Variants in GRIP1 observed in about 807,000 individuals in gnomAD.
GRIP1 encodes the protein glutamate receptor interacting protein 1.
In GRIP1, 45 loss-of-function variants were observed where a neutral mutation model predicts 129.9. That is an observed-to-expected ratio of 0.35 (90% CI 0.27 to 0.44). The LOEUF is 0.44. GRIP1 is among the 20% of genes least tolerant of loss of function. The probability of loss-of-function intolerance (pLI) is 1.00; values close to 1 mark genes in which losing one functional copy is unlikely to be tolerated. For missense variants in GRIP1, 1,196 were observed against 1,396.8 expected (o/e 0.86, Z 2.29); for synonymous variants, 530 against 520.8 (o/e 1.02, Z -0.24).
At position 66,590,048 on chromosome 12, in the gene GRIP1, C is replaced by T. The variant is rs112868942; in HGVS notation, c.136+6799G>A. Among the ~76,000 whole-genome samples, 755 of 152,106 alleles carry T rather than the reference C, an allele frequency of 5.0e-3. 7 individuals are homozygous for T. The highest frequency in any genetic ancestry group is 0.017 in the African/African-American group (726 of 41,486). ...GAGGGAAGAGACTTTTTCCTTATAG[C>T]TCTTATGGACATATCCTCAGTCGGC... is the stretch of plus-strand genomic sequence containing the variant. On this transcript the variant is annotated intron_variant, in intron 2 of 24. Transcript: ENST00000359742.
Position 66,988,111 on chromosome 12 carries a change from A to T in GRIP1, c.58+80939T>A, listed in dbSNP as rs192627596. On this transcript the variant is annotated intron_variant, in intron 1 of 1. Transcript: ENST00000643019. ...AACTTAAGAGTTTCTTCTAGTAGCA[A>T]ATTCTTCAAATCAATAAGTAATTAA... 3.1e-3 allele frequency among the ~76,000 whole-genome samples: 475 copies of T among 152,322 alleles called. 6 individuals carry two copies. Among genetic ancestry groups the T allele is most frequent in the African/African-American group, 0.011 (458 of 41,568 alleles).
At chr12:67,064,668 C>A (rs914612662) in intron 1 of GRIP1, among the ~76,000 whole-genome samples, 1 of 152,064 alleles carries the variant, frequency 6.6e-6, no homozygotes, top group East Asian at 1.9e-4. Context: ...CAGATCTCCT[C>A]GATATGGGTG....
At chr12:66,578,430 T>G (rs1286853564) in intron 2 of GRIP1, among the ~76,000 whole-genome samples, 4 of 152,040 alleles carry the variant, frequency 2.6e-5, no homozygotes, top group Non-Finnish European at 4.4e-5. Context: ...CAGCGCACCG[T>G]GCGCGAGCCA....
intron 14 of GRIP1, 80 bp downstream of exon 14, chr12:66,432,468 T>G: frequency 1.2e-6 from 1 of 841,994 alleles, no homozygotes; most frequent in Non-Finnish European, 2.0e-6. Context: ...TATAAAACAT[T>G]TGTTACACCT....
intron 1 of GRIP1, among the ~76,000 whole-genome samples, chr12:66,924,092 C>T (rs537667974): frequency 1.3e-5 from 2 of 151,998 alleles, no homozygotes; most frequent in African/African-American, 2.4e-5. Context: ...TGATTCACCC[C>T]CCTCGGCCTC....
chr12:66,576,746 T>A (rs1171739742), intron 2 of GRIP1, among the ~76,000 whole-genome samples: 1 of 152,178 alleles, frequency 6.6e-6, no homozygotes, highest in Non-Finnish European at 1.5e-5. Flanking sequence ...TCTCAAACAT[T>A]ACTGGCAGAA....
chr12:66,719,966 G>A (rs2036010121), intron 1 of GRIP1, among the ~76,000 whole-genome samples: 1 of 152,076 alleles, frequency 6.6e-6, no homozygotes, highest in South Asian at 2.1e-4. Context: ...AATCTGAATA[G>A]GACATGTAGA....
chr12:66,384,416 C>T (rs1015936441), intron 19 of GRIP1, among the ~76,000 whole-genome samples: 3 of 152,110 alleles, frequency 2.0e-5, no homozygotes, highest in Non-Finnish European at 4.4e-5. Context: ...AAATGCAAAG[C>T]TTGCTTAGAG....
rs1262650133 is a variant in GRIP1, at chr12:66,512,008, A to AGATTTGATG, written c.724+3610_724+3611insCATCAAATC. Among the ~76,000 whole-genome samples, 3 of 152,112 alleles carry AGATTTGATG rather than the reference A, an allele frequency of 2.0e-5. No homozygotes were observed. In the East Asian group the frequency reaches 5.8e-4, roughly 29 times the overall value. On this transcript the variant is annotated intron_variant, in intron 7 of 24. Coordinates refer to ENST00000359742, the MANE Select transcript of GRIP1 (RefSeq NM_001366722.1). ...TCATGATAGTGAGTGAGTTCTCACAAGATCTGATGGTTTAAAAGTGCGTGG... is the reference window on the plus strand; with the variant it reads ...TCATGATAGTGAGTGAGTTCTCACAAGATTTGATGGATCTGATGGTTTAAAAGTGCGTGG...
rs180906592 is a variant in GRIP1, at chr12:66,851,112, C to A, written c.58+217938G>T. ...TCCCCTTTTTCCTTTGCTTAAATCA[C>A]CCCTAATTTTCTTGAGAACAAAGGA... On this transcript the variant is annotated intron_variant, in intron 1 of 1. Transcript: ENST00000643019. Among the ~76,000 whole-genome samples, 4 of 151,572 alleles carry A rather than the reference C, an allele frequency of 2.6e-5. No homozygotes were observed. In the East Asian group the frequency reaches 7.8e-4, roughly 29 times the overall value.
At chr12:66,390,384 C>T (rs2056536505) in intron 19 of GRIP1, among the ~76,000 whole-genome samples, 1 of 152,212 alleles carries the variant, frequency 6.6e-6, no homozygotes, top group Non-Finnish European at 1.5e-5. Context: ...TACTTCGATT[C>T]TATCCTGATT....
At chr12:66,350,880 A>T (rs1194901850) in intron 24 of GRIP1, among the ~76,000 whole-genome samples, 1 of 152,218 alleles carries the variant, frequency 6.6e-6, no homozygotes, top group African/African-American at 2.4e-5. Flanking sequence ...AGAAACTAAT[A>T]TGCCTCCAGC....
At chr12:66,546,247 T>C (rs2061942156) in intron 2 of GRIP1, among the ~76,000 whole-genome samples, 1 of 152,130 alleles carries the variant, frequency 6.6e-6, no homozygotes, top group Admixed American at 6.5e-5. Context: ...TCCAGCACTT[T>C]GAGAGGCTGA....
intron 1 of GRIP1, among the ~76,000 whole-genome samples, chr12:66,957,770 G>C (rs2041864513): frequency 6.6e-6 from 1 of 152,120 alleles, no homozygotes; most frequent in Non-Finnish European, 1.5e-5. Context: ...ACATGACTGA[G>C]GGAGTATATG....
chr12:66,646,646 A>AT (rs1422380667), intron 1 of GRIP1, among the ~76,000 whole-genome samples: 2 of 152,152 alleles, frequency 1.3e-5, no homozygotes, highest in African/African-American at 4.8e-5. Context: ...ATCTTGAGAT[A>AT]TTTTTATTTG....
intron 1 of GRIP1, among the ~76,000 whole-genome samples, chr12:67,037,899 TA>T (rs929926558): frequency 3.9e-5 from 6 of 152,210 alleles, no homozygotes; most frequent in African/African-American, 1.4e-4. Context: ...AATTTTCTTT[TA>T]AAAAACTTTT....
upstream of GRIP1, among the ~76,000 whole-genome samples, chr12:66,683,098 C>G (rs532605357): frequency 6.6e-6 from 1 of 151,940 alleles, no homozygotes; most frequent in African/African-American, 2.4e-5. Context: ...GTGTATTTCC[C>G]AAATCTTCCG....
intron 4 of GRIP1, among the ~76,000 whole-genome samples, chr12:66,535,468 GTGATTA>G (rs1456327816): frequency 6.6e-6 from 1 of 152,032 alleles, no homozygotes; most frequent in Non-Finnish European, 1.5e-5. Context: ...TAATGATCAT[GTGATTA>G]TAACATTTAA....
intron 1 of GRIP1, among the ~76,000 whole-genome samples, chr12:66,767,335 G>A (rs2037672494): frequency 6.6e-6 from 1 of 151,948 alleles, no homozygotes; most frequent in African/African-American, 2.4e-5. Flanking sequence ...AAAGGAAGCA[G>A]TTCTCAAAAG....
Sources: gnomAD v4.1 joint callset for allele counts (sites outside exome capture counted in the v4.1 genomes callset) on GRCh38, gnomAD v4.1.1 for gene constraint, MANE v1.5 for transcripts, NCBI Gene and HGNC (gene_info 2026-07-23, HGNC 2026-07-21) for gene names.